BCL2: variants seen among roughly 807,000 people sequenced by gnomAD.
The protein encoded by BCL2 is apoptosis regulator Bcl-2.
BCL2 carries 1 observed loss-of-function variant against 14.2 expected under a neutral mutation model. The observed-to-expected ratio is 0.07, with a 90% CI of 0.02 to 0.33. BCL2 has a LOEUF of 0.33. Ranked by LOEUF, BCL2 falls within the 10% of genes least tolerant of loss-of-function variation. The pLI is 0.99. For missense variants in BCL2, 247 were observed against 305.9 expected, an observed-to-expected ratio of 0.81 and a Z score of 1.44; for synonymous variants, 151 against 137.2, an observed-to-expected ratio of 1.10 and a Z score of -0.70.
chr18:63,238,689 G>C (rs912811280), intron 2 of BCL2, among the ~76,000 whole-genome samples: 1 of 152,204 alleles, frequency 6.6e-6, no homozygotes, highest in Non-Finnish European at 1.5e-5. Context: ...TTTATTTACA[G>C]TTTTGATATA....
chr18:63,238,676 A>C (rs911167828), intron 2 of BCL2, among the ~76,000 whole-genome samples: 1 of 152,192 alleles, frequency 6.6e-6, no homozygotes, highest in Non-Finnish European at 1.5e-5. Context: ...TGCAGAGTCT[A>C]TGTTTATTTA....
intron 2 of BCL2, among the ~76,000 whole-genome samples, chr18:63,215,852 A>G (rs1192413125): frequency 1.3e-5 from 2 of 152,182 alleles, no homozygotes; most frequent in African/African-American, 4.8e-5. Flanking sequence ...TTTTAAAAAT[A>G]ATTTTTACTT....
At position 63,318,561 on chromosome 18, in the gene BCL2, C is replaced by T; in HGVS notation, c.106G>A (p.Gly36Ser). The change falls in exon 2 of 3, where the codon GGC (glycine) becomes AGC (serine). Residue 36 changes from glycine to serine, a missense_variant. By Grantham distance (56) the Gly-to-Ser change is moderately conservative. This residue lies in a region of BCL2 where 144 missense variants were observed against 135.3 expected (regional missense o/e 1.06). Transcript: ENST00000333681. This position sits in a 1 kb window ranked among gnomAD's most constrained non-coding sequence, Gnocchi z 7.4. ...RGYEWDAGDV[G>S]AAPPGAAPAP... The stretch of plus-strand genomic sequence containing the variant: ...GGGGCGGCCCCCGGGGGCGCGGCGC[C>T]CACATCTCCCGCATCCCACTCGTAG... 7 of 1,593,058 alleles carry T rather than the reference C, an allele frequency of 4.4e-6. No homozygotes were observed. The highest frequency in any genetic ancestry group is 6.0e-6 in the Non-Finnish European group (7 of 1,171,752).
chr18:63,267,080 A>G (rs1242322145), intron 2 of BCL2, among the ~76,000 whole-genome samples: 2 of 152,166 alleles, frequency 1.3e-5, no homozygotes, highest in African/African-American at 4.8e-5. Flanking sequence ...AGATGCTCGC[A>G]CTGAGGGAAG....
chr18:63,131,063 G>A (rs1242813376), intron 2 of BCL2, among the ~76,000 whole-genome samples: 4 of 152,018 alleles, frequency 2.6e-5, no homozygotes, highest in Admixed American at 6.5e-5. Flanking sequence ...CAGAGGCCGC[G>A]GATGCTGTTC....
At chr18:63,260,747 G>T (rs1178007248) in intron 2 of BCL2, among the ~76,000 whole-genome samples, 1 of 150,688 alleles carries the variant, frequency 6.6e-6, no homozygotes, top group African/African-American at 2.4e-5. Context: ...TCTCCTGGCA[G>T]ATAACGGGGG....
At chr18:63,155,517 A>G (rs964214825) in intron 2 of BCL2, among the ~76,000 whole-genome samples, 1 of 151,836 alleles carries the variant, frequency 6.6e-6, no homozygotes, top group African/African-American at 2.4e-5. Context: ...TGGAGGCCAC[A>G]GGGGCCCAGG....
chr18:63,167,515 C>G (rs1399811316), intron 2 of BCL2, among the ~76,000 whole-genome samples: 2 of 152,124 alleles, frequency 1.3e-5, no homozygotes, highest in African/African-American at 4.8e-5. Context: ...TGTGATGGCT[C>G]ATGACTATCA....
chr18:63,307,904 A>G (rs907571250), intron 2 of BCL2, among the ~76,000 whole-genome samples: 5 of 152,230 alleles, frequency 3.3e-5, no homozygotes, highest in Non-Finnish European at 5.9e-5. Context: ...TGACACATTC[A>G]TCTTTTTAAA....
At chr18:63,217,981 T>C (rs1276252206) in intron 2 of BCL2, among the ~76,000 whole-genome samples, 2 of 151,504 alleles carry the variant, frequency 1.3e-5, no homozygotes. Flanking sequence ...AATAGAAGAA[T>C]GGAAAAAAGG....
At chr18:63,176,539 A>C (rs1915353419) in intron 2 of BCL2, among the ~76,000 whole-genome samples, 2 of 152,250 alleles carry the variant, frequency 1.3e-5, no homozygotes, top group South Asian at 4.1e-4. Context: ...CAGTGAATAA[A>C]AGAGTGAGTG....
chr18:63,169,320 C>CT (rs1555697346), intron 2 of BCL2, among the ~76,000 whole-genome samples: 1,377 of 58,910 alleles, frequency 0.023, 38 homozygotes, highest in Middle Eastern at 0.037. Flanking sequence ...TCCTTCCTTC[C>CT]TTCTTTCCTT....
intron 2 of BCL2, among the ~76,000 whole-genome samples, chr18:63,262,190 T>G (rs1911681013): frequency 6.6e-6 from 1 of 152,230 alleles, no homozygotes; most frequent in Non-Finnish European, 1.5e-5. Flanking sequence ...GTGCTGGGAT[T>G]ACAGGCGTGA....
At chr18:63,198,941 T>TGACACACA (rs1909586899) in intron 2 of BCL2, among the ~76,000 whole-genome samples, 52 of 11,032 alleles carry the variant, frequency 4.7e-3, no homozygotes, top group East Asian at 0.012. Context: ...AGACACACAC[T>TGACACACA]GACACAGAGA....
At chr18:63,143,988 G>C (rs1914439374) in intron 2 of BCL2, among the ~76,000 whole-genome samples, 2 of 152,212 alleles carry the variant, frequency 1.3e-5, no homozygotes, top group Non-Finnish European at 2.9e-5. Context: ...CCAATGGGAT[G>C]ACTCAGAGAT....
chr18:63,210,073 G>A (rs1909957963), intron 2 of BCL2, among the ~76,000 whole-genome samples: 1 of 152,224 alleles, frequency 6.6e-6, no homozygotes, highest in Non-Finnish European at 1.5e-5. Flanking sequence ...GTGCAGTCAG[G>A]AAGAAACCAT....
intron 2 of BCL2, chr18:63,315,867 A>G (rs1913481662): frequency 6.6e-6 from 1 of 152,118 alleles, no homozygotes; most frequent in South Asian, 2.1e-4. Context: ...GTATATATAT[A>G]TATTTTTTCT....
In BCL2 at chr18:63,123,749, CT is replaced by C. The variant is rs1913835818; in HGVS notation, c.*4875del. The C allele has an allele frequency of 4.6e-6, 1 of 217,610 alleles. No homozygotes were observed. The highest frequency in any genetic ancestry group is 1.9e-4 in the South Asian group (1 of 5,396). 13.5% of individuals were successfully genotyped at this position (217,610 alleles called of 1,614,324 possible). A position where few individuals can be genotyped will look rare whatever the true frequency, so the allele number is the denominator to read the frequency against. ...AATAAACAAAACCACCAAAAGAAAGCTTCCCCAAAAGAAATGCAATCCACTG... is the reference window on the plus strand; with the variant it reads ...AATAAACAAAACCACCAAAAGAAAGCTCCCCAAAAGAAATGCAATCCACTG... On this transcript the variant is annotated 3_prime_UTR_variant, in exon 3 of 3. Coordinates refer to ENST00000333681, the MANE Select transcript of BCL2 (RefSeq NM_000633.3).
intron 2 of BCL2, among the ~76,000 whole-genome samples, chr18:63,196,310 CA>C (rs1909443254): frequency 6.6e-6 from 1 of 152,124 alleles, no homozygotes; most frequent in Admixed American, 6.5e-5. Flanking sequence ...AAAGATATTT[CA>C]AATACACATT....
Sources: allele counts gnomAD v4.1 joint callset (sites outside exome capture counted in the v4.1 genomes callset), GRCh38; gene constraint gnomAD v4.1.1; regional missense constraint gnomAD v4.1.1; non-coding constraint Gnocchi (gnomAD v3.1); transcripts MANE v1.5; gene names NCBI Gene and HGNC (gene_info 2026-07-23, HGNC 2026-07-21).